The following NHSL1 variants were observed in gnomAD, a reference collection of about 807,000 sequenced individuals.
NHSL1 encodes the protein NHS-like protein 1.
Under a neutral mutation model 95.0 loss-of-function variants are expected in NHSL1, and 48 were observed. That is an observed-to-expected ratio of 0.51 (90% CI 0.40 to 0.64). The LOEUF (loss-of-function observed/expected upper bound fraction) is 0.64, where lower values mean the gene tolerates loss of function less well. Ranked by LOEUF, NHSL1 falls within the 30% of genes least tolerant of loss-of-function variation. NHSL1 has a pLI of 0.00. For synonymous variants in NHSL1, 783 were observed against 833.9 expected (o/e 0.94, Z 1.05); for missense variants, 1,971 against 2,077.7 (o/e 0.95, Z 1.00).
At chr6:138,613,620 C>A (rs369805533) in intron 1 of NHSL1, among the ~76,000 whole-genome samples, 2 of 152,176 alleles carry the variant, frequency 1.3e-5, no homozygotes, top group Admixed American at 6.5e-5. Flanking sequence ...CCACGTCTTG[C>A]GGATAAACGG....
At chr6:138,593,162 C>T (rs1464840861) in intron 1 of NHSL1, among the ~76,000 whole-genome samples, 1 of 152,190 alleles carries the variant, frequency 6.6e-6, no homozygotes, top group Admixed American at 6.5e-5. Context: ...ATCCGAGTGA[C>T]AAATAATTCA....
At chr6:138,543,457 C>T (rs1175884276) in intron 1 of NHSL1, among the ~76,000 whole-genome samples, 1 of 152,146 alleles carries the variant, frequency 6.6e-6, no homozygotes, top group Non-Finnish European at 1.5e-5. Context: ...AGAAAAGAAA[C>T]AGTCTAAGTA....
intron 5 of NHSL1, among the ~76,000 whole-genome samples, chr6:138,439,375 A>G (rs891575377): frequency 4.6e-5 from 7 of 152,174 alleles, no homozygotes; most frequent in African/African-American, 1.4e-4. Flanking sequence ...AAGAAAATAT[A>G]AAGTGTCTAT....
chr6:138,634,852 A>G (rs1482717517), intron 1 of NHSL1, among the ~76,000 whole-genome samples: 1 of 152,056 alleles, frequency 6.6e-6, no homozygotes, highest in Non-Finnish European at 1.5e-5. Flanking sequence ...AACATCTCTG[A>G]CCACAATAAA....
At chr6:138,603,815 TTTTCA>T (rs968718915) in intron 1 of NHSL1, among the ~76,000 whole-genome samples, 6 of 152,166 alleles carry the variant, frequency 3.9e-5, no homozygotes. Context: ...TTAAGATTGG[TTTTCA>T]TTTTTCTTTA....
At chr6:138,506,995 T>A (rs976999794) in intron 1 of NHSL1, among the ~76,000 whole-genome samples, 5 of 152,212 alleles carry the variant, frequency 3.3e-5, no homozygotes, top group African/African-American at 1.2e-4. Context: ...TTTTTTTGCA[T>A]CCGGCATTTT....
upstream of NHSL1, among the ~76,000 whole-genome samples, chr6:138,500,620 A>G (rs1389381016): frequency 3.9e-5 from 6 of 152,232 alleles, no homozygotes; most frequent in Admixed American, 3.9e-4. Flanking sequence ...GTTTATAACA[A>G]AGGCTCTTAG....
At chr6:138,533,836 T>C (rs1000016156) in intron 1 of NHSL1, among the ~76,000 whole-genome samples, 2 of 152,198 alleles carry the variant, frequency 1.3e-5, no homozygotes, top group Non-Finnish European at 2.9e-5. Context: ...AATGGGCCAT[T>C]TTCCAGACGG....
At chr6:138,618,286 C>T (rs924258545) in intron 1 of NHSL1, among the ~76,000 whole-genome samples, 2 of 152,128 alleles carry the variant, frequency 1.3e-5, no homozygotes, top group African/African-American at 4.8e-5. Context: ...TTAAGTAGGA[C>T]AAGAATGATG....
chr6:138,583,883 G>C (rs1468943895), intron 1 of NHSL1, among the ~76,000 whole-genome samples: 2 of 152,182 alleles, frequency 1.3e-5, no homozygotes, highest in Non-Finnish European at 1.5e-5. Context: ...AGGATCACTT[G>C]AGGCCAGGAG....
Position 138,670,841 on chromosome 6 carries a change from T to C in NHSL1, c.96+21635A>G, listed in dbSNP as rs868458399. On this transcript the variant is annotated intron_variant, in intron 1 of 3. Transcript: ENST00000491526. ...AAAATGAAAAGCTCAGTAGAAGGACTGAAAAAGAAAGAATAAGAAATGGAC... is the reference window on the plus strand; with the variant it reads ...AAAATGAAAAGCTCAGTAGAAGGACCGAAAAAGAAAGAATAAGAAATGGAC... 4.6e-5 allele frequency among the ~76,000 whole-genome samples: 7 copies of C among 151,978 alleles called. 1 individual carries two copies. The highest frequency in any genetic ancestry group is 6.8e-3 in the Middle Eastern group (2 of 292).
At position 138,432,396 on chromosome 6, in the gene NHSL1, T is replaced by C. The variant is rs536196214; in HGVS notation, c.1949A>G (p.Asp650Gly). 1 of 1,552,208 alleles carries C rather than the reference T, an allele frequency of 6.4e-7. No individual in the cohort carries two copies. Among genetic ancestry groups the C allele is most frequent in the African/African-American group, 1.4e-5 (1 of 73,138 alleles). The change falls in exon 6 of 8, where the codon GAC (aspartate) becomes GGC (glycine). Residue 650 changes from aspartate to glycine, a missense_variant. By Grantham distance (94) the Asp-to-Gly change is moderately conservative (BLOSUM62 -1). Transcript: ENST00000343505. This position sits in a 1 kb window ranked among gnomAD's most constrained non-coding sequence, Gnocchi z 4.4. ...GGATTTATCCTGGTAATTGGACCGG[T>C]CCCCTTGGTTTTTCTGAGCTCTTCC... is the stretch of plus-strand genomic sequence containing the variant. The part of the protein sequence containing the change: ...FVGRAQKNQG[D>G]RSNYQDKSLS...
At chr6:138,505,493 A>C (rs1780911674) in intron 1 of NHSL1, among the ~76,000 whole-genome samples, 1 of 151,996 alleles carries the variant, frequency 6.6e-6, no homozygotes, top group Non-Finnish European at 1.5e-5. Context: ...GTCTCTGCTA[A>C]AAATACAAAA....
Position 138,431,899 on chromosome 6 carries a change from C to T in NHSL1, c.2446G>A (p.Val816Ile). The T allele has an allele frequency of 2.6e-6, 4 of 1,551,758 alleles. No individual in the cohort carries two copies. The highest frequency in any genetic ancestry group is 3.5e-6 in the Non-Finnish European group (4 of 1,147,000). ...ATTGTGGCTCTGGACCCTTCTTGGA[C>T]ATGGCGGACTGGCCCGTTCCCAGTG... Reference protein sequence around the residue: ...VPTGNGPVRHVQEGSRATMPQ... With the variant: ...VPTGNGPVRHIQEGSRATMPQ... The change falls in exon 6 of 8, where the codon GTC (valine) becomes ATC (isoleucine). Residue 816 changes from valine to isoleucine, a missense_variant. Coordinates refer to ENST00000343505, the MANE Select transcript of NHSL1 (RefSeq NM_001144060.2). The surrounding 1 kb of genome is among the most constrained non-coding windows in gnomAD (Gnocchi z 4.0).
At chr6:138,574,505 C>T (rs1480674088), upstream of NHSL1, among the ~76,000 whole-genome samples, 1 of 152,038 alleles carries the variant, frequency 6.6e-6, no homozygotes, top group African/African-American at 2.4e-5. Context: ...TCTCCCTACT[C>T]TCTACATCCT....
At chr6:138,552,307 C>A (rs987530028) in intron 1 of NHSL1, among the ~76,000 whole-genome samples, 2 of 152,086 alleles carry the variant, frequency 1.3e-5, no homozygotes, top group Non-Finnish European at 2.9e-5. Context: ...TAAGTCTCAG[C>A]TACTCAAGAG....
intron 1 of NHSL1, among the ~76,000 whole-genome samples, chr6:138,582,414 A>C (rs1441856278): frequency 6.6e-6 from 1 of 151,598 alleles, no homozygotes; most frequent in East Asian, 1.9e-4. Flanking sequence ...AGATGGGACC[A>C]AAAAAACTTC....
chr6:138,432,511 G>C lies in NHSL1; in HGVS notation c.1834C>G (p.His612Asp). 6.4e-7 allele frequency: 1 copy of C among 1,552,148 alleles called. No homozygotes were observed. Among genetic ancestry groups the C allele is most frequent in the Non-Finnish European group, 8.7e-7 (1 of 1,146,982 alleles). ...CCAGATCCATGTCCAGAGTCAGTGT[G>C]CACAGATGCACAGTAGCCATCGTGG... ...EDHDGYCASV[H>D]TDSGHGSGNL... Residue 612 changes from histidine to aspartate, a missense_variant, in exon 6 of 8, where the codon CAC becomes GAC. Physicochemically the swap from His to Asp is moderately conservative, Grantham distance 81. Coordinates refer to ENST00000343505, the MANE Select transcript of NHSL1 (RefSeq NM_001144060.2). The surrounding 1 kb of genome is among the most constrained non-coding windows in gnomAD (Gnocchi z 4.4).
At chr6:138,544,271 G>A (rs558542850) in intron 1 of NHSL1, among the ~76,000 whole-genome samples, 2 of 152,166 alleles carry the variant, frequency 1.3e-5, no homozygotes, top group African/African-American at 4.8e-5. Context: ...AAGAAACAGT[G>A]TCATGAGAGC....
Sources: allele counts gnomAD v4.1 joint callset (sites outside exome capture counted in the v4.1 genomes callset), GRCh38; gene constraint gnomAD v4.1.1; non-coding constraint Gnocchi (gnomAD v3.1); transcripts MANE v1.5; gene names NCBI Gene and HGNC (gene_info 2026-07-23, HGNC 2026-07-21).